FGF13: variants seen among roughly 807,000 people sequenced by gnomAD.
FGF13 encodes fibroblast growth factor homologous factor 2.
Under a neutral mutation model 19.5 loss-of-function variants are expected in FGF13, and 2 were observed. The ratio of observed to expected loss-of-function variants is 0.10; its 90% CI spans 0.04 to 0.32. The LOEUF (loss-of-function observed/expected upper bound fraction) is 0.32. Among genes scored for constraint, FGF13 ranks in the 10% least tolerant of loss-of-function variants. FGF13 has a pLI of 1.00. For synonymous variants in FGF13, 72 were observed against 76.9 expected (o/e 0.94, Z 0.33); for missense variants, 113 against 192.7 (o/e 0.59, Z 2.45).
intron 1 of FGF13, among the ~76,000 whole-genome samples, chrX:139,127,904 G>A (rs1320244172): frequency 1.8e-5 from 2 of 110,499 alleles, no homozygotes; most frequent in Non-Finnish European, 3.8e-5. Flanking sequence ...GGCTGATGTC[G>A]CTTTAGAACC....
chrX:139,053,297 C>T (rs916753073), intron 1 of FGF13, among the ~76,000 whole-genome samples: 5 of 110,893 alleles, frequency 4.5e-5, no homozygotes, highest in South Asian at 3.8e-4. Context: ...AACGGTAGTT[C>T]TACTTTTAGT....
chrX:138,941,590 G>A (rs1388418439), intron 1 of FGF13, among the ~76,000 whole-genome samples: 1 of 111,909 alleles, frequency 8.9e-6, no homozygotes, highest in Non-Finnish European at 1.9e-5. Context: ...CTCATGGATA[G>A]GAAGAATCAA....
At chrX:139,133,571 A>G (rs1300306775) in intron 1 of FGF13, among the ~76,000 whole-genome samples, 1 of 110,810 alleles carries the variant, frequency 9.0e-6, no homozygotes, top group Admixed American at 9.6e-5. Context: ...GAGGTTCACA[A>G]CTATGCAATT....
intron 3 of FGF13, among the ~76,000 whole-genome samples, chrX:138,656,473 G>C (rs760089336): frequency 4.5e-5 from 5 of 111,197 alleles, no homozygotes; most frequent in Non-Finnish European, 7.5e-5. Flanking sequence ...GCTTTCTCCA[G>C]GCTGCAGTGG....
chrX:138,977,664 C>T (rs910712053), intron 1 of FGF13, among the ~76,000 whole-genome samples: 5 of 111,541 alleles, frequency 4.5e-5, no homozygotes, highest in Non-Finnish European at 7.5e-5. Context: ...AGGAGCCTGG[C>T]TTTAAAGAAA....
chrX:138,769,205 A>G (rs144290347), intron 3 of FGF13, among the ~76,000 whole-genome samples: 1,763 of 111,614 alleles, frequency 0.016, 25 homozygotes, highest in African/African-American at 0.054. Context: ...ATATATTTGT[A>G]TGGACATAGG....
At chrX:138,884,723 TCA>T (rs757136501) in intron 1 of FGF13, among the ~76,000 whole-genome samples, 2 of 111,885 alleles carry the variant, frequency 1.8e-5, no homozygotes, top group South Asian at 7.5e-4. Context: ...AATACTACAT[TCA>T]CACACACAAT....
At chrX:139,069,933 G>A (rs1247403858) in intron 1 of FGF13, among the ~76,000 whole-genome samples, 3 of 112,299 alleles carry the variant, frequency 2.7e-5, no homozygotes, top group Non-Finnish European at 3.8e-5. Flanking sequence ...GCCATATGCA[G>A]AAAACTGAAA....
chrX:138,902,639 A>G (rs1392642543), intron 1 of FGF13, among the ~76,000 whole-genome samples: 1 of 112,000 alleles, frequency 8.9e-6, no homozygotes, highest in African/African-American at 3.2e-5. Flanking sequence ...AGGATAAAAG[A>G]GGAGGAATAC....
chrX:139,004,211 C>A (rs930921327), intron 1 of FGF13, among the ~76,000 whole-genome samples: 1 of 112,756 alleles, frequency 8.9e-6, no homozygotes, highest in African/African-American at 3.2e-5. Flanking sequence ...TCGAGCGCAG[C>A]GCCGGTGGGC....
chrX:138,924,682 A>G (rs1006430488), intron 1 of FGF13, among the ~76,000 whole-genome samples: 7 of 110,597 alleles, frequency 6.3e-5, no homozygotes, highest in African/African-American at 2.3e-4. Flanking sequence ...TGCAGAATTG[A>G]GTAACTGAGT....
At chrX:139,071,833 T>C (rs986438130) in intron 1 of FGF13, among the ~76,000 whole-genome samples, 1 of 108,355 alleles carries the variant, frequency 9.2e-6, no homozygotes, top group Non-Finnish European at 1.9e-5. Context: ...CTGGCCAACA[T>C]GGTGAAACCC....
intron 1 of FGF13, among the ~76,000 whole-genome samples, chrX:138,896,796 C>T (rs895591069): frequency 1.8e-5 from 2 of 111,712 alleles, no homozygotes; most frequent in African/African-American, 6.5e-5. Flanking sequence ...GGAATGCCTC[C>T]CTCAACCTTA....
At chrX:138,886,235 A>G (rs997185138) in intron 1 of FGF13, among the ~76,000 whole-genome samples, 5 of 111,630 alleles carry the variant, frequency 4.5e-5, no homozygotes, top group African/African-American at 1.3e-4. Flanking sequence ...CAAAGCCCCT[A>G]CCCCCACCCC....
intron 3 of FGF13, among the ~76,000 whole-genome samples, chrX:138,645,351 A>G (rs1444014841): frequency 9.0e-6 from 1 of 111,560 alleles, no homozygotes; most frequent in Non-Finnish European, 1.9e-5. Context: ...TGTAATGCCA[A>G]CTCCCTTCTA....
intron 1 of FGF13, among the ~76,000 whole-genome samples, chrX:139,190,514 C>CT (rs1423025998): frequency 8.9e-6 from 1 of 112,016 alleles, no homozygotes; most frequent in Non-Finnish European, 1.9e-5. Flanking sequence ...GCCCCTGCCA[C>CT]TAACTTGTTC....
At chrX:139,127,037 A>T (rs1392839511) in intron 1 of FGF13, among the ~76,000 whole-genome samples, 1 of 111,387 alleles carries the variant, frequency 9.0e-6, no homozygotes, top group Non-Finnish European at 1.9e-5. Context: ...TTTTCACTTG[A>T]TCATTTTCTT....
rs781671265 is a variant in FGF13 at position 138,834,599 on chromosome X, A to C, written c.217+22913T>G. ...TTACTTATTTTTTTTCAAAAAAAAA[A>C]CAAAACAGCTCCTGGATGGAGTGAT... On this transcript the variant is annotated intron_variant, in intron 3 of 6. Coordinates refer to the FGF13 transcript ENST00000436198. Among the ~76,000 whole-genome samples the C allele has an allele frequency of 4.6e-5, 5 of 109,346 alleles. No homozygotes were observed. The South Asian group carries it at 1.2e-3, about 26-fold the overall frequency. 95.0% of individuals were successfully genotyped at this position (109,346 alleles called of 115,157 possible).
intron 3 of FGF13, among the ~76,000 whole-genome samples, chrX:138,809,761 C>A (rs751606555): frequency 2.7e-5 from 3 of 111,848 alleles, no homozygotes; most frequent in African/African-American, 9.7e-5. Flanking sequence ...GATACAAAAT[C>A]AAAGTGCAAA....
Sources: gnomAD v4.1 joint callset for allele counts (sites outside exome capture counted in the v4.1 genomes callset) on GRCh38, gnomAD v4.1.1 for gene constraint, MANE v1.5 for transcripts, NCBI Gene and HGNC (gene_info 2026-07-23, HGNC 2026-07-21) for gene names.